VDAC1: variants seen among roughly 807,000 people sequenced by gnomAD.
VDAC1 encodes the protein voltage dependent anion channel 1.
Under a neutral mutation model 34.7 loss-of-function variants are expected in VDAC1, and 10 were observed. The observed-to-expected ratio is 0.29, with a 90% CI of 0.18 to 0.49. The LOEUF (loss-of-function observed/expected upper bound fraction) is 0.49, where lower values mean the gene tolerates loss of function less well. VDAC1 is among the 20% of genes least tolerant of loss of function. The pLI, the probability that VDAC1 is intolerant of heterozygous loss-of-function variation, is 0.99. For synonymous variants in VDAC1, 130 were observed against 136.0 expected (o/e 0.96, Z 0.30); for missense variants, 230 against 347.9 (o/e 0.66, Z 2.69).
chr5:134,022,312 T>C, the VDAC1 span, among the ~76,000 whole-genome samples: 1 of 152,242 alleles, frequency 6.6e-6, no homozygotes, highest in Non-Finnish European at 1.5e-5. Context: ...ATTCATTTTG[T>C]CCTGCTATAA....
chr5:133,979,760 G>A (rs984280725), intron 6 of VDAC1, among the ~76,000 whole-genome samples: 3 of 152,050 alleles, frequency 2.0e-5, no homozygotes, highest in Admixed American at 6.6e-5. Context: ...ACATTTTTAC[G>A]AATTTTAACA....
At chr5:134,065,402 C>T in the VDAC1 span, among the ~76,000 whole-genome samples, 3 of 140,180 alleles carry the variant, frequency 2.1e-5, no homozygotes, top group South Asian at 6.8e-4. Flanking sequence ...AGTGCAGTGG[C>T]ACATCTTGGC....
At chr5:134,050,681 G>T in the VDAC1 span, among the ~76,000 whole-genome samples, 5 of 152,204 alleles carry the variant, frequency 3.3e-5, no homozygotes, top group Admixed American at 6.5e-5. Flanking sequence ...CTCCTAATGG[G>T]AATTAGCCTA....
chr5:134,023,578 C>T, the VDAC1 span, among the ~76,000 whole-genome samples: 1 of 151,754 alleles, frequency 6.6e-6, no homozygotes, highest in South Asian at 2.1e-4. Context: ...TTGGAAGAAA[C>T]GTTCTTCGGA....
the VDAC1 span, among the ~76,000 whole-genome samples, chr5:134,049,473 C>T: frequency 6.6e-6 from 1 of 152,162 alleles, no homozygotes; most frequent in Non-Finnish European, 1.5e-5. Flanking sequence ...CTGCAATAAA[C>T]AACTTGATGC....
the VDAC1 span, among the ~76,000 whole-genome samples, chr5:134,085,561 T>C: frequency 6.6e-6 from 1 of 151,172 alleles, no homozygotes; most frequent in Non-Finnish European, 1.5e-5. Flanking sequence ...AGAGAACACC[T>C]CAGGGGTTTG....
At chr5:134,100,160 G>A in the VDAC1 span, among the ~76,000 whole-genome samples, 3 of 152,214 alleles carry the variant, frequency 2.0e-5, no homozygotes, top group African/African-American at 7.2e-5. Flanking sequence ...GGCCCCTCAG[G>A]GAGTACTAAG....
the VDAC1 span, among the ~76,000 whole-genome samples, chr5:134,089,709 GCTGGGTGCAGTGGCTCATGC>G: frequency 2.8e-5 from 4 of 144,954 alleles, no homozygotes; most frequent in Admixed American, 2.1e-4. Flanking sequence ...GTGGCTCATG[GCTGGGTGCAGTGGCTCATGC>G]CTGTAATCCC....
At chr5:134,019,061 C>A in the VDAC1 span, among the ~76,000 whole-genome samples, 1 of 152,144 alleles carries the variant, frequency 6.6e-6, no homozygotes, top group South Asian at 2.1e-4. Context: ...TAATCTGTAT[C>A]CTTCCCCTGT....
chr5:133,974,045 G>A lies in VDAC1; in HGVS notation c.703-197C>T, dbSNP rs77732824. On this transcript the variant is annotated intron_variant, in intron 7 of 8. Transcript: ENST00000265333. ...GTGCATACCTTTCTGTTCAAAGGGTGTGCTGAGATCTGACACCCCTCATAA... is the reference window on the plus strand; with the variant it reads ...GTGCATACCTTTCTGTTCAAAGGGTATGCTGAGATCTGACACCCCTCATAA... Among the ~76,000 whole-genome samples, 311 of 152,238 alleles carry A rather than the reference G, an allele frequency of 2.0e-3. 4 individuals carry two copies. The highest frequency in any genetic ancestry group is 7.1e-3 in the African/African-American group (295 of 41,530).
chr5:134,061,938 C>A, the VDAC1 span, among the ~76,000 whole-genome samples: 1 of 151,600 alleles, frequency 6.6e-6, no homozygotes, highest in Admixed American at 6.6e-5. Context: ...TGGGAAGTTC[C>A]CTTCAATTCT....
chr5:133,987,466 TGA>T (rs1331219142), intron 5 of VDAC1, among the ~76,000 whole-genome samples: 2 of 152,176 alleles, frequency 1.3e-5, no homozygotes, highest in African/African-American at 4.8e-5. Context: ...TCGCTTGAGC[TGA>T]GAAGTTCTAG....
At chr5:134,060,869 C>T in the VDAC1 span, among the ~76,000 whole-genome samples, 12 of 90,300 alleles carry the variant, frequency 1.3e-4, 1 homozygote, top group East Asian at 3.6e-3. Flanking sequence ...AGATCTCCTC[C>T]TCTTCTTCTT....
chr5:134,048,075 C>T, the VDAC1 span, among the ~76,000 whole-genome samples: 1 of 152,028 alleles, frequency 6.6e-6, no homozygotes, highest in South Asian at 2.1e-4. Flanking sequence ...TCACACCATT[C>T]TCCTGCCTCA....
chr5:133,983,044 G>A (rs922988875), intron 5 of VDAC1, among the ~76,000 whole-genome samples: 1 of 151,810 alleles, frequency 6.6e-6, no homozygotes, highest in Non-Finnish European at 1.5e-5. Context: ...GAGGTCGGGA[G>A]TTCGAGCCCA....
chr5:134,104,767 A>C, the VDAC1 span, among the ~76,000 whole-genome samples: 4 of 152,218 alleles, frequency 2.6e-5, no homozygotes, highest in Non-Finnish European at 5.9e-5. Flanking sequence ...GTGAACAAAG[A>C]CTAAAAACAG....
At chr5:134,057,387 G>A in the VDAC1 span, among the ~76,000 whole-genome samples, 10 of 151,990 alleles carry the variant, frequency 6.6e-5, no homozygotes, top group Admixed American at 1.3e-4. Context: ...GGCTGAGCCC[G>A]GAGAATTGCT....
the VDAC1 span, among the ~76,000 whole-genome samples, chr5:134,018,333 T>G: frequency 1.3e-5 from 2 of 152,180 alleles, no homozygotes; most frequent in African/African-American, 4.8e-5. Context: ...ACTCATTACC[T>G]TGCGGAGGGC....
the VDAC1 span, among the ~76,000 whole-genome samples, chr5:134,034,168 C>T: frequency 8.3e-6 from 1 of 120,986 alleles, no homozygotes; most frequent in African/African-American, 3.3e-5. Context: ...CTCCTGAGGG[C>T]TGTGTCACGC....
Sources: gnomAD v4.1 joint callset for allele counts (sites outside exome capture counted in the v4.1 genomes callset) on GRCh38, gnomAD v4.1.1 for gene constraint, MANE v1.5 for transcripts, NCBI Gene and HGNC (gene_info 2026-07-23, HGNC 2026-07-21) for gene names.